The following THSD7B variants were observed in gnomAD, a reference collection of about 807,000 sequenced individuals.
THSD7B encodes thrombospondin type 1 domain containing 7B, also known as thrombospondin type-1 domain-containing protein 7B.
A neutral mutation model predicts 213.6 loss-of-function variants in THSD7B; 138 were observed. That is an observed-to-expected ratio of 0.65 (90% CI 0.56 to 0.74). THSD7B has a LOEUF of 0.74. Among genes scored for constraint, THSD7B ranks in the 30% least tolerant of loss-of-function variants. THSD7B has a pLI of 0.00. For synonymous variants in THSD7B, 742 were observed against 687.0 expected (o/e 1.08, Z -1.25); for missense variants, 1,931 against 1,991.5 (o/e 0.97, Z 0.58).
chr2:137,175,607 T>C lies in THSD7B; in HGVS notation c.1723+4669T>C, dbSNP rs114519323. ...TATTTCAAGGATATTTTTCTAGGGGTCTTTGCCTTAAATCATTAACTGTGA... is the reference window on the plus strand; with the variant it reads ...TATTTCAAGGATATTTTTCTAGGGGCCTTTGCCTTAAATCATTAACTGTGA... On this transcript the variant is annotated intron_variant, in intron 7 of 27. Coordinates refer to ENST00000409968, the MANE Select transcript of THSD7B (RefSeq NM_001316349.2). Among the ~76,000 whole-genome samples the C allele has an allele frequency of 4.3e-3, 655 of 152,252 alleles. 4 individuals are homozygous for C. Among genetic ancestry groups the C allele is most frequent in the African/African-American group, 0.015 (617 of 41,554 alleles).
At chr2:137,320,900 A>G (rs1479362619) in intron 12 of THSD7B, among the ~76,000 whole-genome samples, 1 of 152,160 alleles carries the variant, frequency 6.6e-6, no homozygotes, top group East Asian at 1.9e-4. Flanking sequence ...AGAATTATTC[A>G]TTTCCCTCTA....
chr2:137,351,945 T>A (rs1344708289), intron 12 of THSD7B, among the ~76,000 whole-genome samples: 1 of 151,936 alleles, frequency 6.6e-6, no homozygotes, highest in African/African-American at 2.4e-5. Context: ...TCTTGAAACA[T>A]CTTGAGTTTT....
intron 1 of THSD7B, among the ~76,000 whole-genome samples, chr2:136,823,527 C>T (rs1429194964): frequency 2.0e-5 from 3 of 151,992 alleles, no homozygotes; most frequent in Admixed American, 2.0e-4. Flanking sequence ...CCAGTAATAC[C>T]CTTTAACTTT....
At chr2:137,229,074 A>C (rs143284454) in intron 7 of THSD7B, among the ~76,000 whole-genome samples, 286 of 152,350 alleles carry the variant, frequency 1.9e-3, no homozygotes, top group African/African-American at 6.5e-3. Flanking sequence ...CTTACAATGT[A>C]TATTGGCATT....
At chr2:137,343,854 T>C (rs550296809) in intron 12 of THSD7B, among the ~76,000 whole-genome samples, 13 of 151,944 alleles carry the variant, frequency 8.6e-5, no homozygotes, top group Admixed American at 4.6e-4. Context: ...AACTTCATTC[T>C]TTTACAATGC....
At chr2:137,153,881 T>C (rs1321780029) in intron 5 of THSD7B, among the ~76,000 whole-genome samples, 6 of 152,172 alleles carry the variant, frequency 3.9e-5, no homozygotes, top group Non-Finnish European at 8.8e-5. Context: ...TTCATTAGTT[T>C]CAAATTAAAT....
At chr2:136,884,352 C>G (rs57322377) in intron 2 of THSD7B, among the ~76,000 whole-genome samples, 4,944 of 152,062 alleles carry the variant, frequency 0.033, 142 homozygotes, top group East Asian at 0.092. Flanking sequence ...AGAGTGGTTC[C>G]CAGAATCTGG....
chr2:137,237,251 C>CA (rs1681785710), intron 9 of THSD7B, among the ~76,000 whole-genome samples: 1 of 151,876 alleles, frequency 6.6e-6, no homozygotes, highest in African/African-American at 2.4e-5. Context: ...ATTGCTAATC[C>CA]AAAATCAGAG....
chr2:137,079,317 A>G (rs1002487670), intron 3 of THSD7B, among the ~76,000 whole-genome samples: 8 of 152,176 alleles, frequency 5.3e-5, no homozygotes, highest in African/African-American at 1.9e-4. Flanking sequence ...TTTGTACCAA[A>G]AATAGTTAAG....
intron 7 of THSD7B, among the ~76,000 whole-genome samples, chr2:137,210,328 C>G (rs115467010): frequency 1.3e-5 from 2 of 151,832 alleles, no homozygotes; most frequent in African/African-American, 4.8e-5. Context: ...CATGCCTAAG[C>G]AAGTAGACAT....
intron 1 of THSD7B, among the ~76,000 whole-genome samples, chr2:136,812,443 C>T (rs747252122): frequency 6.6e-6 from 1 of 152,176 alleles, no homozygotes; most frequent in Non-Finnish European, 1.5e-5. Flanking sequence ...TTTTTATTCT[C>T]TAGCTTACAT....
chr2:137,354,036 G>C (rs565051553), intron 12 of THSD7B, among the ~76,000 whole-genome samples: 5 of 152,104 alleles, frequency 3.3e-5, no homozygotes, highest in African/African-American at 1.2e-4. Flanking sequence ...AATCCTGTTT[G>C]TAACTACATG....
intron 15 of THSD7B, among the ~76,000 whole-genome samples, chr2:137,513,067 A>G (rs1445427645): frequency 6.6e-6 from 1 of 152,216 alleles, no homozygotes; most frequent in Admixed American, 6.5e-5. Context: ...AGGATCCCTG[A>G]TATTTCCTAG....
intron 15 of THSD7B, among the ~76,000 whole-genome samples, chr2:137,495,504 T>C (rs958429582): frequency 6.6e-6 from 1 of 152,166 alleles, no homozygotes; most frequent in Non-Finnish European, 1.5e-5. Context: ...TTCTTCTCAA[T>C]GCAAATAGCC....
At chr2:137,367,714 T>C (rs1411256584) in intron 12 of THSD7B, among the ~76,000 whole-genome samples, 3 of 152,140 alleles carry the variant, frequency 2.0e-5, no homozygotes, top group Non-Finnish European at 4.4e-5. Context: ...TGTGCCAGCA[T>C]GGTTGGGTTC....
intron 12 of THSD7B, among the ~76,000 whole-genome samples, chr2:137,277,898 TC>T (rs1180858803): frequency 6.6e-6 from 1 of 152,096 alleles, no homozygotes; most frequent in Non-Finnish European, 1.5e-5. Flanking sequence ...GGAAAGTTCC[TC>T]CTTGTTCAAG....
intron 14 of THSD7B, among the ~76,000 whole-genome samples, chr2:137,449,278 A>G (rs796795662): frequency 1.3e-5 from 2 of 152,328 alleles, no homozygotes; most frequent in African/African-American, 4.8e-5. Context: ...GATTTGTGAC[A>G]CATTTTAATG....
At position 137,411,568 on chromosome 2, in the gene THSD7B, C is replaced by T. The variant is rs1686651636; in HGVS notation, c.2696-41C>T. The T allele has an allele frequency of 2.6e-6, 4 of 1,545,496 alleles. No individual in the cohort carries two copies. In the African/African-American group the frequency reaches 4.1e-5, roughly 16 times the overall value. On this transcript the variant is annotated intron_variant, in intron 13 of 27. Transcript: ENST00000409968. ...GTGTGAGTGACTTTTAACAAAACAG[C>T]AGATAAGCATTTAATATCTTAATGT...
chr2:137,224,702 C>T (rs189971143), intron 7 of THSD7B, among the ~76,000 whole-genome samples: 95 of 152,186 alleles, frequency 6.2e-4, no homozygotes, highest in African/African-American at 2.2e-3. Flanking sequence ...GATGGAGTCT[C>T]GCTCTGTCGC....
Sources: allele counts gnomAD v4.1 joint callset (sites outside exome capture counted in the v4.1 genomes callset), GRCh38; gene constraint gnomAD v4.1.1; transcripts MANE v1.5; gene names NCBI Gene and HGNC (gene_info 2026-07-23, HGNC 2026-07-21).